The following AKAP9 variants were observed in gnomAD, a reference collection of about 807,000 sequenced individuals.
The protein encoded by AKAP9 is A-kinase anchor protein 9.
Under a neutral mutation model 488.5 loss-of-function variants are expected in AKAP9, and 311 were observed. The ratio of observed to expected loss-of-function variants is 0.64; its 90% CI spans 0.58 to 0.70. AKAP9 has a LOEUF of 0.70. Ranked by LOEUF, AKAP9 falls within the 30% of genes least tolerant of loss-of-function variation. The probability of loss-of-function intolerance (pLI) is 0.00; values close to 1 mark genes in which losing one functional copy is unlikely to be tolerated. For synonymous variants in AKAP9, 1,462 were observed against 1,483.5 expected, an observed-to-expected ratio of 0.99 and a Z score of 0.33; for missense variants, 4,215 against 4,374.5, an observed-to-expected ratio of 0.96 and a Z score of 1.03.
chr7:91,941,091 G>A lies in AKAP9; in HGVS notation c.-9G>A, dbSNP rs767254791. On this transcript the variant is annotated 5_prime_UTR_variant, in exon 1 of 50. Coordinates refer to ENST00000356239, the MANE Select transcript of AKAP9 (RefSeq NM_005751.5). ...ACCCCTGTTTTCCCCTGCCTTCCTTGCAGAGGCCATGGAGGACGAGGAGAG... is the reference window on the plus strand; with the variant it reads ...ACCCCTGTTTTCCCCTGCCTTCCTTACAGAGGCCATGGAGGACGAGGAGAG... 1 of 1,613,722 alleles carries A rather than the reference G, an allele frequency of 6.2e-7. No individual in the cohort carries two copies. The highest frequency in any genetic ancestry group is 1.1e-5 in the South Asian group (1 of 91,068).
At chr7:92,033,576 G>A (rs1435268585) in intron 16 of AKAP9, among the ~76,000 whole-genome samples, 3 of 151,376 alleles carry the variant, frequency 2.0e-5, no homozygotes, top group African/African-American at 4.9e-5. Context: ...CTCCCAAGTA[G>A]CTGGTACTAC....
intron 39 of AKAP9, among the ~76,000 whole-genome samples, chr7:92,094,549 A>G (rs1816211502): frequency 6.7e-6 from 1 of 148,850 alleles, no homozygotes; most frequent in Admixed American, 6.7e-5. Flanking sequence ...AAAAGAAAAA[A>G]GAGGGCCGGG....
At chr7:92,103,318 C>T (rs371866427) in intron 46 of AKAP9, among the ~76,000 whole-genome samples, 7 of 130,156 alleles carry the variant, frequency 5.4e-5, no homozygotes, top group African/African-American at 1.5e-4. Context: ...TGAACCTGGG[C>T]GGCGGAGGTT....
In AKAP9 at chr7:92,101,926, G is replaced by A. The variant is rs951863408; in HGVS notation, c.11098-668G>A. 1.3e-4 allele frequency among the ~76,000 whole-genome samples: 20 copies of A among 152,206 alleles called. 1 individual carries two copies. Among genetic ancestry groups the A allele is most frequent in the South Asian group, 1.0e-3 (5 of 4,820 alleles). ...AATCCCAGCACTTCGGGAGGCCAAG[G>A]TGGGTGGATCACTGAGGTCAGGAGT... On this transcript the variant is annotated intron_variant, in intron 45 of 49. Coordinates refer to ENST00000356239, the MANE Select transcript of AKAP9 (RefSeq NM_005751.5).
chr7:92,010,817 C>T (rs1272584171), intron 8 of AKAP9, among the ~76,000 whole-genome samples: 1 of 152,050 alleles, frequency 6.6e-6, no homozygotes, highest in Non-Finnish European at 1.5e-5. Flanking sequence ...CCACTCCTGG[C>T]TAATTTATTA....
chr7:92,104,952 G>T (rs921324270), intron 46 of AKAP9, among the ~76,000 whole-genome samples: 8 of 152,186 alleles, frequency 5.3e-5, no homozygotes, highest in Admixed American at 5.2e-4. Context: ...TAGTAATTTT[G>T]ATTAGAGGGA....
intron 25 of AKAP9, 39 bp from the exon 26 acceptor site, chr7:92,066,388 G>T (rs1418855901): frequency 6.2e-7 from 1 of 1,609,230 alleles, no homozygotes; most frequent in Non-Finnish European, 8.5e-7. Context: ...TCTAAATACT[G>T]TTTCTTCAGC....
chr7:92,012,601 T>C lies in AKAP9; in HGVS notation c.3491T>C (p.Ile1164Thr). ...GAAAAGATCAAGGAACTTCAGAAAA[T>C]ACACCAGTTAGAACTACAGACTATG... ...QEEKIKELQK[I>T]HQLELQTMKT... The change falls in exon 9 of 50, where the codon ATA (isoleucine) becomes ACA (threonine). Residue 1164 changes from isoleucine to threonine, a missense_variant. By Grantham distance (89) the Ile-to-Thr change is moderately conservative. This residue lies in a region of AKAP9 where 2,361 missense variants were observed against 2,430.0 expected (regional missense o/e 0.97). Transcript: ENST00000356239. 1 of 1,613,468 alleles carries C rather than the reference T, an allele frequency of 6.2e-7. No individual in the cohort carries two copies. Among genetic ancestry groups the C allele is most frequent in the Non-Finnish European group, 8.5e-7 (1 of 1,179,624 alleles).
chr7:91,977,637 A>G (rs999362366), intron 2 of AKAP9, among the ~76,000 whole-genome samples: 4 of 152,184 alleles, frequency 2.6e-5, no homozygotes, highest in Middle Eastern at 3.2e-3. Flanking sequence ...GACGGTTTCT[A>G]TTGACCATTG....
intron 17 of AKAP9, among the ~76,000 whole-genome samples, chr7:92,040,124 A>C (rs906231163): frequency 6.6e-6 from 1 of 152,252 alleles, no homozygotes; most frequent in African/African-American, 2.4e-5. Context: ...CGTAGAACAT[A>C]TTAAGGAGTT....
Position 92,062,311 on chromosome 7 carries a change from T to G in AKAP9, c.5802T>G (p.Phe1934Leu), listed in dbSNP as rs771217403. ...IDGYADEKTL[F>L]ERQIQEKTDI... ...GCTATGCAGATGAAAAAACTCTTTT[T>G]GAAAGGCAAATTCAGGAAAAAACTG... Residue 1934 changes from phenylalanine (F) to leucine (L), a missense_variant, in exon 24 of 50, where the codon TTT becomes TTG. Physicochemically the swap from Phe to Leu is conservative, Grantham distance 22. This residue lies in a region of AKAP9 where 2,361 missense variants were observed against 2,430.0 expected (regional missense o/e 0.97). Transcript: ENST00000356239. 1 of 1,613,658 alleles carries G rather than the reference T, an allele frequency of 6.2e-7. No individual in the cohort carries two copies. The highest frequency in any genetic ancestry group is 1.3e-5 in the African/African-American group (1 of 74,892).
At chr7:91,986,803 A>G (rs1000246429) in intron 3 of AKAP9, among the ~76,000 whole-genome samples, 1 of 152,104 alleles carries the variant, frequency 6.6e-6, no homozygotes, top group African/African-American at 2.4e-5. Context: ...AGTACTACCG[A>G]TAAAACTTAG....
At chr7:92,010,614 T>A (rs1412988703) in intron 8 of AKAP9, among the ~76,000 whole-genome samples, 2 of 152,182 alleles carry the variant, frequency 1.3e-5, no homozygotes, top group Admixed American at 1.3e-4. Context: ...CCACATTGGC[T>A]TCCCAAAGTG....
At chr7:92,076,785 C>A in intron 28 of AKAP9, 70 bp from the exon 29 acceptor site, 1 of 915,422 alleles carries the variant, frequency 1.1e-6, no homozygotes, top group Non-Finnish European at 1.6e-6. Flanking sequence ...GCTAATATAG[C>A]ACTCTTCATT....
At chr7:91,976,919 A>G (rs1795772155) in intron 2 of AKAP9, among the ~76,000 whole-genome samples, 2 of 151,510 alleles carry the variant, frequency 1.3e-5, no homozygotes, top group African/African-American at 4.9e-5. Context: ...TTGTTTTTAG[A>G]TTTTATTTCC....
At chr7:91,956,940 G>A (rs750966953) in intron 1 of AKAP9, among the ~76,000 whole-genome samples, 2 of 152,000 alleles carry the variant, frequency 1.3e-5, no homozygotes, top group Non-Finnish European at 2.9e-5. Context: ...CAACTGATGG[G>A]GTTTTGAAAA....
chr7:92,038,679 T>C lies in AKAP9; in HGVS notation c.4599T>C (p.Ser1533=), dbSNP rs1805563741. The C allele has an allele frequency of 1.9e-6, 3 of 1,608,440 alleles. No homozygotes were observed. The highest frequency in any genetic ancestry group is 1.3e-5 in the African/African-American group (1 of 74,662). Reference sequence around the variant, plus strand: ...GAAAGGAAATTTTATTATCAAATAGTGATCCCCATGATATACCAGAATCAA... The same window carrying C: ...GAAAGGAAATTTTATTATCAAATAGCGATCCCCATGATATACCAGAATCAA... ...EHGKEILLSN[S]DPHDIPESKD... The change falls in exon 17 of 50, where the codon AGT becomes AGC. Residue 1533 remains serine (S), a synonymous_variant. Coordinates refer to ENST00000356239, the MANE Select transcript of AKAP9 (RefSeq NM_005751.5).
intron 7 of AKAP9, among the ~76,000 whole-genome samples, chr7:91,997,566 A>T (rs1165652288): frequency 6.6e-6 from 1 of 152,216 alleles, no homozygotes; most frequent in Non-Finnish European, 1.5e-5. Context: ...TGGAGTAGGC[A>T]TAAAGACTCA....
At chr7:92,065,703 A>G (rs531466247) in intron 25 of AKAP9, among the ~76,000 whole-genome samples, 1 of 152,338 alleles carries the variant, frequency 6.6e-6, no homozygotes, top group East Asian at 1.9e-4. Context: ...TATACATGAT[A>G]AAAATTATGA....
Sources: allele counts gnomAD v4.1 joint callset (sites outside exome capture counted in the v4.1 genomes callset), GRCh38; gene constraint gnomAD v4.1.1; regional missense constraint gnomAD v4.1.1; transcripts MANE v1.5; gene names NCBI Gene and HGNC (gene_info 2026-07-23, HGNC 2026-07-21).